GUCA1C: variants seen among roughly 807,000 people sequenced by gnomAD.
GUCA1C encodes guanylate cyclase activator 1C.
GUCA1C carries 15 observed loss-of-function variants against 16.2 expected under a neutral mutation model. The ratio of observed to expected loss-of-function variants is 0.93; its 90% CI spans 0.62 to 1.43. The LOEUF (loss-of-function observed/expected upper bound fraction) is 1.43, where lower values mean the gene tolerates loss of function less well. GUCA1C is among the 40% of genes most tolerant of loss of function. GUCA1C has a pLI of 0.00. For synonymous variants in GUCA1C, 78 were observed against 85.4 expected (o/e 0.91, Z 0.48); for missense variants, 275 against 244.8 (o/e 1.12, Z -0.82).
At chr3:108,930,431 G>C (rs1251962389) in intron 1 of GUCA1C, among the ~76,000 whole-genome samples, 5 of 150,938 alleles carry the variant, frequency 3.3e-5, no homozygotes, top group Non-Finnish European at 4.4e-5. Flanking sequence ...GGGAAGCAAA[G>C]GCTATTTGGC....
intron 1 of GUCA1C, among the ~76,000 whole-genome samples, chr3:108,922,645 A>C (rs1946580657): frequency 6.6e-6 from 1 of 152,142 alleles, no homozygotes; most frequent in East Asian, 1.9e-4. Flanking sequence ...TCTTCTTTTG[A>C]GAATTGTCTA....
chr3:108,929,350 T>C (rs961182242), intron 1 of GUCA1C, among the ~76,000 whole-genome samples: 3 of 152,206 alleles, frequency 2.0e-5, no homozygotes, highest in Non-Finnish European at 4.4e-5. Flanking sequence ...TTTTGGTTTT[T>C]TGGTTAATTC....
chr3:108,934,389 A>G (rs752385334), intron 1 of GUCA1C, among the ~76,000 whole-genome samples: 10 of 152,178 alleles, frequency 6.6e-5, no homozygotes, highest in Non-Finnish European at 1.3e-4. Context: ...GGCTGCAGAG[A>G]AGAAGGAATG....
chr3:108,951,942 C>T (rs553450651), intron 1 of GUCA1C, among the ~76,000 whole-genome samples: 1 of 152,328 alleles, frequency 6.6e-6, no homozygotes, highest in African/African-American at 2.4e-5. Flanking sequence ...CACATGTTCC[C>T]ACTCTTGCAT....
At chr3:108,937,276 T>C (rs2107306061) in intron 1 of GUCA1C, among the ~76,000 whole-genome samples, 1 of 152,278 alleles carries the variant, frequency 6.6e-6, no homozygotes, top group Admixed American at 6.5e-5. Context: ...AGACTAATTC[T>C]TCCATTCTCC....
At chr3:108,927,284 G>A (rs1190251819) in intron 1 of GUCA1C, among the ~76,000 whole-genome samples, 1 of 152,152 alleles carries the variant, frequency 6.6e-6, no homozygotes, top group East Asian at 1.9e-4. Flanking sequence ...TCTCCAGCAA[G>A]GCTGAGGAAG....
At chr3:108,917,656 TC>T (rs929853969) in intron 2 of GUCA1C, among the ~76,000 whole-genome samples, 2 of 152,076 alleles carry the variant, frequency 1.3e-5, no homozygotes, top group African/African-American at 4.8e-5. Flanking sequence ...ATTTCAGTGT[TC>T]CCTGGCCTGA....
At chr3:108,915,335 T>C (rs1464637417) in intron 3 of GUCA1C, among the ~76,000 whole-genome samples, 1 of 152,240 alleles carries the variant, frequency 6.6e-6, no homozygotes, top group African/African-American at 2.4e-5. Flanking sequence ...CTTAAACCTT[T>C]TACTAATATC....
chr3:108,918,452 T>C (rs2107281764), intron 2 of GUCA1C, among the ~76,000 whole-genome samples: 1 of 152,324 alleles, frequency 6.6e-6, no homozygotes, highest in South Asian at 2.1e-4. Flanking sequence ...TGCCACTGTT[T>C]GCTTCTTTAG....
intron 1 of GUCA1C, among the ~76,000 whole-genome samples, chr3:108,930,411 G>GT (rs2107297190): frequency 6.6e-6 from 1 of 152,314 alleles, no homozygotes; most frequent in African/African-American, 2.4e-5. Context: ...ACAACCAATA[G>GT]TTCTGAATTG....
chr3:108,941,087 G>T (rs1490161149), intron 1 of GUCA1C, among the ~76,000 whole-genome samples: 1 of 152,074 alleles, frequency 6.6e-6, no homozygotes, highest in African/African-American at 2.4e-5. Context: ...AACCAGCAAG[G>T]ACTTCTGCTA....
intron 1 of GUCA1C, among the ~76,000 whole-genome samples, chr3:108,930,915 C>T (rs571672526): frequency 1.3e-5 from 2 of 152,136 alleles, no homozygotes; most frequent in Non-Finnish European, 2.9e-5. Flanking sequence ...GGTATCATAT[C>T]TCCAGATTGA....
chr3:108,918,434 A>G (rs1469505235), intron 2 of GUCA1C, among the ~76,000 whole-genome samples: 1 of 152,114 alleles, frequency 6.6e-6, no homozygotes, highest in Admixed American at 6.5e-5. Context: ...CAAAATGTGC[A>G]CCCTTGCTGC....
chr3:108,919,856 T>C (rs1218719022), intron 2 of GUCA1C, among the ~76,000 whole-genome samples: 1 of 152,174 alleles, frequency 6.6e-6, no homozygotes, highest in Non-Finnish European at 1.5e-5. Context: ...CATTTAGGTA[T>C]AGTGTCCTGC....
chr3:108,949,654 C>T (rs193261962), intron 1 of GUCA1C, among the ~76,000 whole-genome samples: 12 of 152,208 alleles, frequency 7.9e-5, no homozygotes, highest in Admixed American at 3.3e-4. Flanking sequence ...GTTCCATTAC[C>T]ATTGTGACGG....
intron 3 of GUCA1C, among the ~76,000 whole-genome samples, chr3:108,911,876 C>T (rs142648189): frequency 0.028 from 4,230 of 152,072 alleles, 180 homozygotes; most frequent in African/African-American, 0.087. Flanking sequence ...GAGGCCGAGG[C>T]GGGCGGATCG....
intron 3 of GUCA1C, chr3:108,915,821 A>G (rs1946504160): frequency 1.0e-5 from 4 of 392,296 alleles, no homozygotes; most frequent in East Asian, 3.7e-5. Context: ...GATTAATAGA[A>G]TGTGTCTCAG....
At chr3:108,941,864 C>T (rs945253704) in intron 1 of GUCA1C, among the ~76,000 whole-genome samples, 5 of 152,166 alleles carry the variant, frequency 3.3e-5, no homozygotes, top group Admixed American at 6.5e-5. Flanking sequence ...GTAGTCCTGA[C>T]GACTGTTTGG....
chr3:108,926,246 C>A (rs1316182030), intron 1 of GUCA1C, among the ~76,000 whole-genome samples: 1 of 152,156 alleles, frequency 6.6e-6, no homozygotes, highest in African/African-American at 2.4e-5. Context: ...AACAGCTACT[C>A]CTGCTCGCTT....
Sources: allele counts gnomAD v4.1 joint callset (sites outside exome capture counted in the v4.1 genomes callset), GRCh38; gene constraint gnomAD v4.1.1; transcripts MANE v1.5; gene names NCBI Gene and HGNC (gene_info 2026-07-23, HGNC 2026-07-21).